The following CFAP43 variants were observed in gnomAD, a reference collection of about 807,000 sequenced individuals.
CFAP43 encodes cilia and flagella associated protein 43, also known as cilia- and flagella-associated protein 43.
A neutral mutation model predicts 218.9 loss-of-function variants in CFAP43; 155 were observed. The ratio of observed to expected loss-of-function variants is 0.71; its 90% CI spans 0.62 to 0.81. The LOEUF is 0.81. Among genes scored for constraint, CFAP43 ranks in the 30% least tolerant of loss-of-function variants. The pLI, the probability that CFAP43 is intolerant of heterozygous loss-of-function variation, is 0.00. For missense variants in CFAP43, 1,778 were observed against 1,954.3 expected (o/e 0.91, Z 1.70); for synonymous variants, 645 against 681.3 (o/e 0.95, Z 0.83).
chr10:104,140,476 T>C (rs2087654727), intron 34 of CFAP43, among the ~76,000 whole-genome samples: 1 of 152,196 alleles, frequency 6.6e-6, no homozygotes, highest in African/African-American at 2.4e-5. Flanking sequence ...TAATGTAAAA[T>C]ATTTGGTACA....
chr10:104,211,995 C>T lies in CFAP43; in HGVS notation c.735+12G>A, dbSNP rs766400115. On this transcript the variant is annotated intron_variant, in intron 5 of 37. Coordinates refer to ENST00000357060, the MANE Select transcript of CFAP43 (RefSeq NM_025145.7). ...CCCATTAGGCAAACAGGAAGAGGTG[C>T]CAGGTAATTACCCGGAAAGTCTCTG... is the stretch of plus-strand genomic sequence containing the variant. The T allele has an allele frequency of 1.2e-6, 2 of 1,609,470 alleles. No homozygotes were observed. Among genetic ancestry groups the T allele is most frequent in the Non-Finnish European group, 8.5e-7 (1 of 1,177,090 alleles).
At chr10:104,183,982 A>G (rs577756562) in intron 16 of CFAP43, among the ~76,000 whole-genome samples, 3 of 152,348 alleles carry the variant, frequency 2.0e-5, no homozygotes, top group African/African-American at 7.2e-5. Flanking sequence ...AATCTCCACA[A>G]CATTTAACAT....
At chr10:104,225,945 T>C (rs1319147632) in intron 2 of CFAP43, among the ~76,000 whole-genome samples, 1 of 152,258 alleles carries the variant, frequency 6.6e-6, no homozygotes, top group Non-Finnish European at 1.5e-5. Flanking sequence ...GTAATAATTC[T>C]AGCTTACTTC....
chr10:104,218,832 T>C (rs927334471), intron 3 of CFAP43: 3 of 540,974 alleles, frequency 5.5e-6, no homozygotes. Context: ...TCTCTACTAT[T>C]TAACCCATTA....
At chr10:104,213,304 A>C (rs751204493) in intron 4 of CFAP43, among the ~76,000 whole-genome samples, 1 of 152,234 alleles carries the variant, frequency 6.6e-6, no homozygotes, top group Non-Finnish European at 1.5e-5. Context: ...AGATCTCTTA[A>C]AAATCAAGAG....
At chr10:104,218,347 CAAAA>C (rs68078522) in intron 3 of CFAP43, among the ~76,000 whole-genome samples, 3 of 98,616 alleles carry the variant, frequency 3.0e-5, no homozygotes, top group Admixed American at 1.3e-4. Context: ...GACTGTGTCT[CAAAA>C]AAAAAAAAAA....
chr10:104,218,990 T>G, intron 3 of CFAP43: 2 of 388,406 alleles, frequency 5.1e-6, no homozygotes, highest in Non-Finnish European at 9.9e-6. Flanking sequence ...ATGTTGGTGA[T>G]TTGGGTTTCT....
chr10:104,192,398 C>T, intron 11 of CFAP43, 96 bp from the exon 12 acceptor site: 2 of 933,828 alleles, frequency 2.1e-6, no homozygotes, highest in Non-Finnish European at 3.4e-6. Flanking sequence ...TGTTCAAAGC[C>T]AGTCATTTTT....
chr10:104,187,570 G>GA (rs1466409519), intron 13 of CFAP43, 78 bp from the exon 14 acceptor site: 1 of 1,255,172 alleles, frequency 8.0e-7, no homozygotes, highest in Non-Finnish European at 1.1e-6. Context: ...GAACAATTAT[G>GA]AAAAGCAAAA....
chr10:104,200,097 G>A (rs181170420), intron 8 of CFAP43, among the ~76,000 whole-genome samples: 9 of 152,230 alleles, frequency 5.9e-5, no homozygotes, highest in African/African-American at 1.9e-4. Flanking sequence ...ATTTACTGAG[G>A]CTCCAGAGGA....
At chr10:104,181,734 T>A (rs1017598900) in intron 17 of CFAP43, among the ~76,000 whole-genome samples, 1 of 152,158 alleles carries the variant, frequency 6.6e-6, no homozygotes, top group Non-Finnish European at 1.5e-5. Context: ...CTTTGCATGG[T>A]GGTGTTCTCT....
chr10:104,186,736 G>C (rs1005157594), intron 14 of CFAP43, among the ~76,000 whole-genome samples: 3 of 152,060 alleles, frequency 2.0e-5, no homozygotes, highest in Non-Finnish European at 2.9e-5. Flanking sequence ...TGGCTACTCT[G>C]TCAAAGAAGA....
intron 34 of CFAP43, among the ~76,000 whole-genome samples, chr10:104,134,450 G>A (rs896672183): frequency 6.6e-6 from 1 of 152,024 alleles, no homozygotes; most frequent in Non-Finnish European, 1.5e-5. Flanking sequence ...GAAACCAAAA[G>A]TTGGTTCTTT....
chr10:104,212,245 GA>G, intron 4 of CFAP43, 88 bp from the exon 5 acceptor site: 1 of 1,334,950 alleles, frequency 7.5e-7, no homozygotes, highest in Non-Finnish European at 1.0e-6. Context: ...GTGAGGTGGG[GA>G]GGTATTATAA....
At chr10:104,212,818 C>T (rs2134974518) in intron 4 of CFAP43, among the ~76,000 whole-genome samples, 1 of 152,170 alleles carries the variant, frequency 6.6e-6, no homozygotes, top group African/African-American at 2.4e-5. Flanking sequence ...AACTTCCTTG[C>T]CTAGATTTTA....
chr10:104,168,368 AC>A (rs2089270478), intron 21 of CFAP43, among the ~76,000 whole-genome samples: 1 of 152,228 alleles, frequency 6.6e-6, no homozygotes, highest in African/African-American at 2.4e-5. Context: ...TCAATGAGAA[AC>A]AGCTCCTTAG....
At chr10:104,221,653 A>T (rs2091184808) in intron 3 of CFAP43, among the ~76,000 whole-genome samples, 1 of 152,232 alleles carries the variant, frequency 6.6e-6, no homozygotes, top group African/African-American at 2.4e-5. Flanking sequence ...CAGCTTACTA[A>T]GACAGGGACC....
chr10:104,229,638 T>C (rs2091396190), intron 2 of CFAP43, among the ~76,000 whole-genome samples: 1 of 152,126 alleles, frequency 6.6e-6, no homozygotes, highest in Non-Finnish European at 1.5e-5. Flanking sequence ...CACTCCAGCC[T>C]GGGTGATAGA....
chr10:104,161,340 T>G (rs945233510), intron 26 of CFAP43, among the ~76,000 whole-genome samples, 178 bp from the exon 27 acceptor site: 33 of 152,162 alleles, frequency 2.2e-4, no homozygotes, highest in African/African-American at 8.0e-4. Flanking sequence ...AGTTCTTCTG[T>G]GACTTAGGTG....
Sources: allele counts gnomAD v4.1 joint callset (sites outside exome capture counted in the v4.1 genomes callset), GRCh38; gene constraint gnomAD v4.1.1; transcripts MANE v1.5; gene names NCBI Gene and HGNC (gene_info 2026-07-23, HGNC 2026-07-21).